TMPRSS4: variants seen among roughly 807,000 people sequenced by gnomAD.
TMPRSS4 encodes the protein transmembrane serine protease 4, also known as transmembrane protease serine 4.
A neutral mutation model predicts 56.4 loss-of-function variants in TMPRSS4; 45 were observed. That is an observed-to-expected ratio of 0.80 (90% CI 0.63 to 1.02). TMPRSS4 has a LOEUF of 1.02. Ranked by LOEUF, TMPRSS4 falls within the 50% of genes least tolerant of loss-of-function variation. The pLI, the probability that TMPRSS4 is intolerant of heterozygous loss-of-function variation, is 0.00. For synonymous variants in TMPRSS4, 205 were observed against 211.0 expected (o/e 0.97, Z 0.25); for missense variants, 546 against 556.7 (o/e 0.98, Z 0.19).
At chr11:118,101,834 C>T (rs978315941) in intron 3 of TMPRSS4, among the ~76,000 whole-genome samples, 2 of 152,130 alleles carry the variant, frequency 1.3e-5, no homozygotes, top group Non-Finnish European at 2.9e-5. Flanking sequence ...CAACATCTTT[C>T]CATCATCCCA....
intron 3 of TMPRSS4, among the ~76,000 whole-genome samples, chr11:118,102,503 G>T (rs4938482): frequency 0.64 from 97,585 of 151,840 alleles, 32,637 homozygotes; most frequent in South Asian, 0.76. Context: ...AGGTCAGGAG[G>T]TCGAGAGCAG....
rs186690978 is a variant in TMPRSS4, at chr11:118,083,303, T to G, written c.3+5998T>G. ...CGGCCACACACACTTGAAGCTTTCATGCTTCCACTGGTCCTTGCTTCTCTG... is the reference window on the plus strand; with the variant it reads ...CGGCCACACACACTTGAAGCTTTCAGGCTTCCACTGGTCCTTGCTTCTCTG... On this transcript the variant is annotated intron_variant, in intron 1 of 12. Transcript: ENST00000437212. Among the ~76,000 whole-genome samples the G allele has an allele frequency of 3.6e-3, 550 of 152,380 alleles. 3 individuals carry two copies. Among genetic ancestry groups the G allele is most frequent in the Non-Finnish European group, 6.1e-3 (415 of 68,036 alleles).
At chr11:118,124,824 T>G (rs1367173070), downstream of TMPRSS4, among the ~76,000 whole-genome samples, 3 of 152,174 alleles carry the variant, frequency 2.0e-5, no homozygotes, top group Non-Finnish European at 4.4e-5. Flanking sequence ...AGAAGTAATA[T>G]CAACAAATTT....
At chr11:118,106,488 CT>C (rs113285420) in intron 5 of TMPRSS4, 7,302 of 139,400 alleles carry the variant, frequency 0.052, 362 homozygotes, top group East Asian at 0.14. Flanking sequence ...GTCCACGCAT[CT>C]TTTTTTTTTT....
At chr11:118,114,679 A>C in intron 9 of TMPRSS4, 150 bp from the exon 10 acceptor site, 1 of 842,302 alleles carries the variant, frequency 1.2e-6, no homozygotes, top group Non-Finnish European at 1.9e-6. Flanking sequence ...AGGCGTGCCC[A>C]AAGCCAAGTT....
At chr11:118,092,064 T>C (rs1946007093) in intron 1 of TMPRSS4, among the ~76,000 whole-genome samples, 1 of 152,000 alleles carries the variant, frequency 6.6e-6, no homozygotes, top group East Asian at 1.9e-4. Context: ...AAAAATAAAA[T>C]GTTAAATTTA....
chr11:118,084,189 T>A (rs1945368917), intron 1 of TMPRSS4, among the ~76,000 whole-genome samples: 1 of 152,200 alleles, frequency 6.6e-6, no homozygotes, highest in African/African-American at 2.4e-5. Context: ...AAACTGAGTT[T>A]CTTGGTGGTT....
chr11:118,111,712 G>A (rs1459130933), intron 7 of TMPRSS4, 29 bp from the exon 8 acceptor site: 1 of 1,532,108 alleles, frequency 6.5e-7, no homozygotes, highest in East Asian at 2.4e-5. Context: ...CTGACTTCCT[G>A]CCTCCTCCCT....
intron 1 of TMPRSS4, among the ~76,000 whole-genome samples, chr11:118,084,344 T>C (rs370590378): frequency 1.3e-5 from 2 of 152,198 alleles, no homozygotes; most frequent in African/African-American, 4.8e-5. Context: ...CATGAAGCAC[T>C]CGACGAGTTA....
chr11:118,083,645 T>A (rs1370411296), intron 1 of TMPRSS4, among the ~76,000 whole-genome samples: 1 of 152,182 alleles, frequency 6.6e-6, no homozygotes, highest in Non-Finnish European at 1.5e-5. Flanking sequence ...TAGAATATAC[T>A]CCATGGGCAA....
In TMPRSS4 at chr11:118,077,182, C is replaced by T; in HGVS notation, c.-121C>T. 7.5e-7 allele frequency: 1 copy of T among 1,334,314 alleles called. No individual in the cohort carries two copies. The highest frequency in any genetic ancestry group is 1.0e-6 in the Non-Finnish European group (1 of 962,046). 82.7% of individuals were successfully genotyped at this position (1,334,314 alleles called of 1,614,324 possible). A position where few individuals can be genotyped will look rare whatever the true frequency, so the allele number is the denominator to read the frequency against. The stretch of plus-strand genomic sequence containing the variant: ...GCACTCGGGCCTCCTCCAGCCAGTG[C>T]TGACCAGGGACTTCTGACCTGCTGG... On this transcript the variant is annotated 5_prime_UTR_variant, in exon 1 of 13. Coordinates refer to ENST00000437212, the MANE Select transcript of TMPRSS4 (RefSeq NM_019894.4).
chr11:118,102,840 C>CA, intron 3 of TMPRSS4: 1 of 460,752 alleles, frequency 2.2e-6, no homozygotes, highest in Non-Finnish European at 3.9e-6. Context: ...AGGCAGTTAC[C>CA]AGCCTGTTTC....
intron 1 of TMPRSS4, among the ~76,000 whole-genome samples, chr11:118,085,576 T>G (rs1240729387): frequency 6.6e-6 from 1 of 152,188 alleles, no homozygotes; most frequent in Non-Finnish European, 1.5e-5. Flanking sequence ...ATAAACTCTG[T>G]CTTTGAACCT....
In TMPRSS4 at chr11:118,117,302, C is replaced by A. The variant is rs776587947; in HGVS notation, c.1153-3C>A. On this transcript the variant is annotated splice_polypyrimidine_tract_variant and splice_region_variant and intron_variant, in intron 11 of 12. Transcript: ENST00000437212. ...CAGCAGTCTCTGTTCTGGTCTCTCACAGGGTGACAGTGGTGGGCCCCTGAT... is the reference window on the plus strand; with the variant it reads ...CAGCAGTCTCTGTTCTGGTCTCTCAAAGGGTGACAGTGGTGGGCCCCTGAT... 1 of 1,614,092 alleles carries A rather than the reference C, an allele frequency of 6.2e-7. No homozygotes were observed. Among genetic ancestry groups the A allele is most frequent in the Non-Finnish European group, 8.5e-7 (1 of 1,180,036 alleles).
At chr11:118,096,835 GAA>G (rs1237365506) in intron 2 of TMPRSS4, among the ~76,000 whole-genome samples, 2,646 of 17,696 alleles carry the variant, frequency 0.15, 907 homozygotes, top group Non-Finnish European at 0.19. Context: ...GAGAAAGAAA[GAA>G]GGAAAGAAGG....
chr11:118,081,984 A>G (rs2135223387), intron 1 of TMPRSS4, among the ~76,000 whole-genome samples: 1 of 152,296 alleles, frequency 6.6e-6, no homozygotes, highest in East Asian at 1.9e-4. Context: ...AGCCAAGGTC[A>G]GCCCCCTCAC....
chr11:118,106,893 C>T (rs1403389902), intron 5 of TMPRSS4: 1 of 152,190 alleles, frequency 6.6e-6, no homozygotes, highest in East Asian at 1.9e-4. Context: ...GGGACAGAAC[C>T]TAGATCATGA....
intron 12 of TMPRSS4, 51 bp from the exon 13 acceptor site, chr11:118,117,851 G>A: frequency 6.2e-7 from 1 of 1,614,048 alleles, no homozygotes; most frequent in South Asian, 1.1e-5. Flanking sequence ...TCACCACTTT[G>A]TCCAGTTTCA....
At chr11:118,109,756 C>T (rs373689888) in intron 7 of TMPRSS4, among the ~76,000 whole-genome samples, 23 of 152,224 alleles carry the variant, frequency 1.5e-4, no homozygotes, top group Admixed American at 5.2e-4. Flanking sequence ...AAGGTCACAA[C>T]GCTGCCTCTG....
Sources: gnomAD v4.1 joint callset for allele counts (sites outside exome capture counted in the v4.1 genomes callset) on GRCh38, gnomAD v4.1.1 for gene constraint, MANE v1.5 for transcripts, NCBI Gene and HGNC (gene_info 2026-07-23, HGNC 2026-07-21) for gene names.